PIWIL1: variants seen among roughly 807,000 people sequenced by gnomAD.
PIWIL1 encodes the protein piwi like RNA-mediated gene silencing 1, also known as piwi-like protein 1.
Under a neutral mutation model 114.4 loss-of-function variants are expected in PIWIL1, and 73 were observed. The ratio of observed to expected loss-of-function variants is 0.64; its 90% CI spans 0.53 to 0.78. The LOEUF (loss-of-function observed/expected upper bound fraction) is 0.78, where lower values mean the gene tolerates loss of function less well. Ranked by LOEUF, PIWIL1 falls within the 30% of genes least tolerant of loss-of-function variation. PIWIL1 has a pLI of 0.00. For missense variants in PIWIL1, 723 were observed against 1,063.1 expected, an observed-to-expected ratio of 0.68 and a Z score of 4.45; for synonymous variants, 375 against 369.0, an observed-to-expected ratio of 1.02 and a Z score of -0.19.
chr12:130,354,469 C>A, intron 9 of PIWIL1, 68 bp from the exon 10 acceptor site: 1 of 1,595,764 alleles, frequency 6.3e-7, no homozygotes, highest in Non-Finnish European at 8.6e-7. Flanking sequence ...AAATGAAACC[C>A]TTTTTGCCCA....
chr12:130,341,462 A>G lies in PIWIL1; in HGVS notation c.-12-1118A>G, dbSNP rs144577101. 1.8e-4 allele frequency among the ~76,000 whole-genome samples: 27 copies of G among 152,362 alleles called. No homozygotes were observed. In the East Asian group the frequency reaches 4.8e-3, roughly 27 times the overall value. On this transcript the variant is annotated intron_variant, in intron 1 of 20. Transcript: ENST00000245255. ...GATCTAACTACTTCATATGAAAAAG[A>G]TAACACTACTAGCATCCTGCCTTCG...
At chr12:130,399,717 A>G in the PIWIL1 span, 2 of 1,614,232 alleles carry the variant, frequency 1.2e-6, no homozygotes, top group Admixed American at 1.7e-5. Flanking sequence ...TCTTGAGAGT[A>G]GTGGGATGGA....
chr12:130,368,150 T>G (rs2073721182), intron 19 of PIWIL1, among the ~76,000 whole-genome samples: 2 of 152,146 alleles, frequency 1.3e-5, no homozygotes, highest in African/African-American at 2.4e-5. Context: ...GTGTGAGGTG[T>G]TGTTAATGCA....
At chr12:130,423,374 G>A in the PIWIL1 span, among the ~76,000 whole-genome samples, 2 of 152,208 alleles carry the variant, frequency 1.3e-5, no homozygotes, top group African/African-American at 4.8e-5. Context: ...TCTCCTGGGT[G>A]GGCCCATCGC....
chr12:130,343,232 A>G lies in PIWIL1; in HGVS notation c.190+131A>G, dbSNP rs946665145. On this transcript the variant is annotated intron_variant, in intron 3 of 20. Coordinates refer to ENST00000245255, the MANE Select transcript of PIWIL1 (RefSeq NM_004764.5). ...AACATTTCCTTATAATGTTGCCACA[A>G]CACACAAATCAATTGTGGAAAATAC... The G allele has an allele frequency of 2.0e-5, 12 of 598,294 alleles. No homozygotes were observed. The African/African-American group carries it at 2.3e-4, about 11-fold the overall frequency. 37.1% of individuals were successfully genotyped at this position (598,294 alleles called of 1,614,324 possible).
chr12:130,356,417 G>T (rs553546349), intron 12 of PIWIL1, among the ~76,000 whole-genome samples: 1 of 152,064 alleles, frequency 6.6e-6, no homozygotes, highest in South Asian at 2.1e-4. Context: ...CAGGGAGGTG[G>T]CCAGGACACG....
downstream of PIWIL1, among the ~76,000 whole-genome samples, chr12:130,373,875 A>T (rs1295043085): frequency 6.6e-6 from 1 of 152,166 alleles, no homozygotes; most frequent in Non-Finnish European, 1.5e-5. Flanking sequence ...CCGCACTCAC[A>T]AAGAACAAAG....
chr12:130,395,871 ATT>A, the PIWIL1 span, among the ~76,000 whole-genome samples: 2 of 152,154 alleles, frequency 1.3e-5, no homozygotes, highest in Non-Finnish European at 2.9e-5. Flanking sequence ...GGAATTAACA[ATT>A]TGTGTTTGAA....
rs377380686 is a variant in PIWIL1 at position 130,366,922 on chromosome 12, C to T, written c.2196-211C>T. Among the ~76,000 whole-genome samples the T allele has an allele frequency of 1.8e-4, 27 of 152,302 alleles. No homozygotes were observed. The East Asian group carries it at 2.3e-3, about 13-fold the overall frequency. The stretch of plus-strand genomic sequence containing the variant: ...ATCTACATGACCGTGTGTCACAGGA[C>T]ATATGTGCCATTTGGTTTCCCTCTC... On this transcript the variant is annotated intron_variant, in intron 18 of 20. Transcript: ENST00000245255.
downstream of PIWIL1, among the ~76,000 whole-genome samples, chr12:130,375,523 G>T (rs541206451): frequency 6.6e-6 from 1 of 152,112 alleles, no homozygotes; most frequent in Non-Finnish European, 1.5e-5. Flanking sequence ...GTGTTGTGGC[G>T]GCACGCACGG....
chr12:130,356,739 C>T (rs1297655433), intron 12 of PIWIL1, among the ~76,000 whole-genome samples, 179 bp from the exon 13 acceptor site: 1 of 152,152 alleles, frequency 6.6e-6, no homozygotes, highest in Non-Finnish European at 1.5e-5. Flanking sequence ...TTGCCATCAT[C>T]CTTTGGATAT....
At chr12:130,399,711 G>A in the PIWIL1 span, 1 of 1,614,238 alleles carries the variant, frequency 6.2e-7, no homozygotes, top group Non-Finnish European at 8.5e-7. Flanking sequence ...GGCGTATCTT[G>A]AGAGTAGTGG....
the PIWIL1 span, chr12:130,419,430 G>A: frequency 6.6e-6 from 1 of 152,216 alleles, no homozygotes; most frequent in Non-Finnish European, 1.5e-5. This position sits in a 1 kb window ranked among gnomAD's most constrained non-coding sequence, Gnocchi z 4.3. Context: ...CAGGAGAGAG[G>A]TTTCCCTCAC....
chr12:130,400,760 A>C, the PIWIL1 span, among the ~76,000 whole-genome samples: 1 of 152,212 alleles, frequency 6.6e-6, no homozygotes, highest in African/African-American at 2.4e-5. Context: ...AGAACATATA[A>C]AGAACATCAA....
chr12:130,377,071 C>T (rs1449095677), downstream of PIWIL1, among the ~76,000 whole-genome samples: 6 of 152,164 alleles, frequency 3.9e-5, no homozygotes, highest in Admixed American at 2.0e-4. Context: ...ACCTACCCTT[C>T]GCCTCTCCTC....
downstream of PIWIL1, among the ~76,000 whole-genome samples, chr12:130,373,982 G>A (rs962651560): frequency 1.3e-5 from 2 of 152,140 alleles, no homozygotes; most frequent in Non-Finnish European, 2.9e-5. Flanking sequence ...ACTGACCTCA[G>A]GCTGTCCCTT....
the PIWIL1 span, among the ~76,000 whole-genome samples, chr12:130,384,152 A>G: frequency 1.3e-5 from 2 of 152,242 alleles, no homozygotes; most frequent in Non-Finnish European, 1.5e-5. Context: ...GACTTACAGT[A>G]TAATCCAGTT....
At chr12:130,357,180 CA>C in intron 13 of PIWIL1, 75 bp downstream of exon 13, 1 of 1,173,448 alleles carries the variant, frequency 8.5e-7, no homozygotes, top group Non-Finnish European at 1.2e-6. Context: ...ATTAAACATA[CA>C]AACTACGTTA....
chr12:130,343,129 A>T lies in PIWIL1; in HGVS notation c.190+28A>T, dbSNP rs764766927. On this transcript the variant is annotated intron_variant, in intron 3 of 20. Transcript: ENST00000245255. ...GAAGAGAAAGTAAAAGGAAGTCTTA[A>T]CAACTCTGTTCAACATATACAGCAA... 2.4e-5 allele frequency: 36 copies of T among 1,521,230 alleles called. No individual in the cohort carries two copies. In the Admixed American group the frequency reaches 6.3e-4, roughly 27 times the overall value. The allele number at this position is 1,521,230 out of a possible 1,614,324, so 94.2% of individuals were successfully genotyped here. A position where few individuals can be genotyped will look rare whatever the true frequency, so the allele number is the denominator to read the frequency against.
Sources: allele counts gnomAD v4.1 joint callset (sites outside exome capture counted in the v4.1 genomes callset), GRCh38; gene constraint gnomAD v4.1.1; non-coding constraint Gnocchi (gnomAD v3.1); transcripts MANE v1.5; gene names NCBI Gene and HGNC (gene_info 2026-07-23, HGNC 2026-07-21).